Variants in NXNL2 observed in about 807,000 individuals in gnomAD.
NXNL2 encodes the protein nucleoredoxin-like protein 2.
In NXNL2, 7 loss-of-function variants were observed where a neutral mutation model predicts 11.1. The observed-to-expected ratio is 0.63, with a 90% CI of 0.36 to 1.18. The LOEUF (loss-of-function observed/expected upper bound fraction) is 1.18. Ranked by LOEUF, NXNL2 falls within the 50% of genes most tolerant of loss-of-function variation. NXNL2 has a pLI of 0.02. For missense variants in NXNL2, 233 were observed against 217.7 expected (o/e 1.07, Z -0.44); for synonymous variants, 109 against 101.8 (o/e 1.07, Z -0.42).
chr9:88,573,805 T>G (rs930786290), intron 2 of NXNL2, among the ~76,000 whole-genome samples: 1 of 152,136 alleles, frequency 6.6e-6, no homozygotes, highest in Admixed American at 6.5e-5. Flanking sequence ...GCCACAATTT[T>G]AAAAAAGATC....
At position 88,575,109 on chromosome 9, in the gene NXNL2, G is replaced by A. The variant is rs931100673; in HGVS notation, c.*39G>A. The A allele has an allele frequency of 5.7e-5, 56 of 984,620 alleles. No homozygotes were observed. In the African/African-American group the frequency reaches 9.6e-4, roughly 17 times the overall value. The allele number at this position is 984,620 out of a possible 1,614,324, so 61.0% of individuals were successfully genotyped here. On this transcript the variant is annotated 3_prime_UTR_variant, in exon 3 of 3. Coordinates refer to the NXNL2 transcript ENST00000375855. The stretch of plus-strand genomic sequence containing the variant: ...AAGCCATTGCTGTGAATTACGTGAG[G>A]GAAAGATATTGAAGAGGAGTTGGAC...
chr9:88,581,899 G>A (rs1247263278), intron 1 of NXNL2, among the ~76,000 whole-genome samples: 1 of 152,142 alleles, frequency 6.6e-6, no homozygotes, highest in Non-Finnish European at 1.5e-5. Context: ...GTTTTTCAAG[G>A]TGAGCCTAAC....
At chr9:88,577,275 T>TGG (rs1228181905), downstream of NXNL2, among the ~76,000 whole-genome samples, 1 of 150,146 alleles carries the variant, frequency 6.7e-6, no homozygotes, top group Non-Finnish European at 1.5e-5. Flanking sequence ...TGCTCATGGA[T>TGG]GGGGTGTGTG....
downstream of NXNL2, among the ~76,000 whole-genome samples, chr9:88,546,042 C>T (rs1396430236): frequency 6.6e-6 from 1 of 152,140 alleles, no homozygotes; most frequent in African/African-American, 2.4e-5. Context: ...GCTGGGATTA[C>T]AGGCATGAGC....
chr9:88,547,884 G>T (rs1829866153), downstream of NXNL2, among the ~76,000 whole-genome samples: 1 of 151,586 alleles, frequency 6.6e-6, no homozygotes, highest in African/African-American at 2.4e-5. Context: ...AGGCATGGTG[G>T]CGGGCACCTG....
chr9:88,561,227 C>T (rs1010743939), intron 1 of NXNL2, among the ~76,000 whole-genome samples: 1 of 152,118 alleles, frequency 6.6e-6, no homozygotes, highest in African/African-American at 2.4e-5. Flanking sequence ...CGGGCCTAGC[C>T]TCCCAGCCTA....
In NXNL2 at chr9:88,544,682, G is replaced by T. The variant is rs1587843465; in HGVS notation, c.*135G>T. ...TTTCAGAGCAGAAGCACTAAGCTGT[G>T]GTCAAAAAGCAACTATTGCTCAGGA... On this transcript the variant is annotated 3_prime_UTR_variant, in exon 2 of 2. Transcript: ENST00000375854. The T allele has an allele frequency of 7.1e-7, 1 of 1,411,632 alleles. No homozygotes were observed. The highest frequency in any genetic ancestry group is 1.6e-5 in the South Asian group (1 of 61,588). 87.4% of individuals were successfully genotyped at this position (1,411,632 alleles called of 1,614,324 possible). A position where few individuals can be genotyped will look rare whatever the true frequency, so the allele number is the denominator to read the frequency against.
At chr9:88,545,914 C>T (rs778158570), downstream of NXNL2, among the ~76,000 whole-genome samples, 3 of 151,904 alleles carry the variant, frequency 2.0e-5, no homozygotes, top group Non-Finnish European at 4.4e-5. Context: ...TTACAGGCGC[C>T]CGCCACCACG....
chr9:88,559,495 G>A (rs1358158403), intron 1 of NXNL2, among the ~76,000 whole-genome samples: 1 of 152,116 alleles, frequency 6.6e-6, no homozygotes, highest in Admixed American at 6.6e-5. Flanking sequence ...ACAGCAAATC[G>A]AATTGCAAAG....
downstream of NXNL2, among the ~76,000 whole-genome samples, chr9:88,545,378 G>A (rs1293766926): frequency 6.6e-6 from 1 of 152,096 alleles, no homozygotes; most frequent in Non-Finnish European, 1.5e-5. Flanking sequence ...CAATCAGCTG[G>A]GATTGTGAAA....
At chr9:88,538,134 G>A (rs1365886651) in intron 1 of NXNL2, among the ~76,000 whole-genome samples, 1 of 152,146 alleles carries the variant, frequency 6.6e-6, no homozygotes, top group Non-Finnish European at 1.5e-5. Flanking sequence ...GATGACATTA[G>A]GGAAAAAGTG....
intron 1 of NXNL2, among the ~76,000 whole-genome samples, chr9:88,537,377 G>T (rs764683431): frequency 1.1e-4 from 17 of 152,204 alleles, no homozygotes; most frequent in Admixed American, 1.0e-3. Context: ...GAGACTGCTC[G>T]TCTGTTTCTG....
intron 1 of NXNL2, among the ~76,000 whole-genome samples, chr9:88,569,717 GT>G (rs1053141764): frequency 1.3e-5 from 2 of 152,060 alleles, no homozygotes; most frequent in Non-Finnish European, 2.9e-5. Context: ...CAATTATGTG[GT>G]TTTTTCTTCT....
chr9:88,556,853 G>A (rs1170318864), intron 1 of NXNL2, among the ~76,000 whole-genome samples: 8 of 151,998 alleles, frequency 5.3e-5, no homozygotes, highest in African/African-American at 7.2e-5. Flanking sequence ...CAAGGCAGGC[G>A]GATCATGAGC....
intron 1 of NXNL2, among the ~76,000 whole-genome samples, chr9:88,565,024 C>T (rs1441566569): frequency 6.6e-6 from 1 of 152,136 alleles, no homozygotes; most frequent in Non-Finnish European, 1.5e-5. Context: ...CCCATTTTCT[C>T]CTCCCCCAGC....
chr9:88,540,972 G>T (rs1256034682), intron 1 of NXNL2, among the ~76,000 whole-genome samples: 1 of 132,102 alleles, frequency 7.6e-6, no homozygotes, highest in Non-Finnish European at 1.5e-5. Context: ...TGGAGCTAGG[G>T]TCTTGCACCA....
intron 2 of NXNL2, among the ~76,000 whole-genome samples, chr9:88,572,209 T>C (rs759157417): frequency 9.2e-5 from 14 of 152,182 alleles, no homozygotes; most frequent in Non-Finnish European, 1.8e-4. Flanking sequence ...GGGCGTGCAC[T>C]CATTCATTCA....
At chr9:88,562,710 C>CCACTG (rs1830101203) in intron 1 of NXNL2, among the ~76,000 whole-genome samples, 6 of 151,718 alleles carry the variant, frequency 4.0e-5, no homozygotes, top group Admixed American at 3.9e-4. Context: ...TGAGATTATG[C>CCACTG]CACTGCACTC....
chr9:88,557,100 A>G (rs1164451622), intron 1 of NXNL2, among the ~76,000 whole-genome samples: 3 of 145,172 alleles, frequency 2.1e-5, no homozygotes, highest in African/African-American at 5.6e-5. Flanking sequence ...AAAAAAAAAA[A>G]AAAAGAAAGA....
Sources: allele counts gnomAD v4.1 joint callset (sites outside exome capture counted in the v4.1 genomes callset), GRCh38; gene constraint gnomAD v4.1.1; transcripts MANE v1.5; gene names NCBI Gene and HGNC (gene_info 2026-07-23, HGNC 2026-07-21).